The following CCDC92B variants were observed in gnomAD, a reference collection of about 807,000 sequenced individuals.
CCDC92B encodes the protein coiled-coil domain containing 92B.
Under a neutral mutation model 5.6 loss-of-function variants are expected in CCDC92B, and 2 were observed. The ratio of observed to expected loss-of-function variants is 0.36; its 90% confidence interval spans 0.15 to 1.12. The LOEUF is 1.12. Ranked by LOEUF, CCDC92B falls within the 50% of genes most tolerant of loss-of-function variation. The probability of loss-of-function intolerance (pLI) is 0.40; values close to 1 mark genes in which losing one functional copy is unlikely to be tolerated. For missense variants in CCDC92B, 271 were observed against 262.2 expected, an observed-to-expected ratio of 1.03 and a Z score of -0.23; for synonymous variants, 115 against 122.3, an observed-to-expected ratio of 0.94 and a Z score of 0.39.
intron 1 of CCDC92B, among the ~76,000 whole-genome samples, chr17:2,746,506 C>T (rs780384346): frequency 1.3e-5 from 2 of 152,090 alleles, no homozygotes; most frequent in African/African-American, 4.8e-5. Context: ...GAGTGTCAGA[C>T]TCAGGAACCT....
At chr17:2,733,743 G>GTTTTT (rs1567614345) in intron 2 of CCDC92B, among the ~76,000 whole-genome samples, 18 of 81,576 alleles carry the variant, frequency 2.2e-4, no homozygotes, top group African/African-American at 9.4e-4. Context: ...AGGACCACTG[G>GTTTTT]CTTTTTTTTT....
intron 3 of CCDC92B, among the ~76,000 whole-genome samples, chr17:2,729,962 CG>C (rs1164881386): frequency 6.6e-6 from 1 of 152,180 alleles, no homozygotes; most frequent in African/African-American, 2.4e-5. Flanking sequence ...TCTTGACACT[CG>C]GCCTGTGATC....
At position 2,724,671 on chromosome 17, in the gene CCDC92B, C is replaced by A; in HGVS notation, c.508G>T (p.Ala170Ser). The A allele has an allele frequency of 1.0e-6, 1 of 981,926 alleles. No homozygotes were observed. Among genetic ancestry groups the A allele is most frequent in the Non-Finnish European group, 1.2e-6 (1 of 828,290 alleles). 60.8% of individuals were successfully genotyped at this position (981,926 alleles called of 1,614,324 possible). A position where few individuals can be genotyped will look rare whatever the true frequency, so the allele number is the denominator to read the frequency against. The change falls in exon 4 of 4, where the codon GCA becomes TCA. Residue 170 changes from alanine to serine, a missense_variant. Coordinates refer to ENST00000614400, the MANE Select transcript of CCDC92B (RefSeq NM_001355573.2). The surrounding 1 kb of genome is among the most constrained non-coding windows in gnomAD (Gnocchi z 5.0). The stretch of plus-strand genomic sequence containing the variant: ...GCAGGCGGGCGGCGGGCTCGCAGTG[C>A]GCGGCGGCGTGGCCTGGGCTCGGCG... ...ATAEPRPRRR[A>S]LRARRPPAAH...
In CCDC92B at chr17:2,724,843, G is replaced by A. The variant is rs953509043; in HGVS notation, c.336C>T (p.Phe112=). 3.6e-5 allele frequency: 35 copies of A among 985,126 alleles called. No homozygotes were observed. The African/African-American group carries it at 5.8e-4, about 16-fold the overall frequency. 61.0% of individuals were successfully genotyped at this position (985,126 alleles called of 1,614,324 possible). A position where few individuals can be genotyped will look rare whatever the true frequency, so the allele number is the denominator to read the frequency against. ...GGCTGCGGCGGCGCAGCTCCTCCAGGAAGCGGCGCTCCTCGGTGCGCAGGC... is the reference window on the plus strand; with the variant it reads ...GGCTGCGGCGGCGCAGCTCCTCCAGAAAGCGGCGCTCCTCGGTGCGCAGGC... ...RCSLRTEERR[F]LEELRRRSHR... is the part of the protein sequence containing the mutation. The change falls in exon 4 of 4, where the codon TTC becomes TTT. Residue 112 remains phenylalanine (F), a synonymous_variant. Coordinates refer to ENST00000614400, the MANE Select transcript of CCDC92B (RefSeq NM_001355573.2). This position sits in a 1 kb window ranked among gnomAD's most constrained non-coding sequence, Gnocchi z 5.0.
At position 2,721,217 on chromosome 17, in the gene CCDC92B, A is replaced by C. The variant is rs2070651959; in HGVS notation, c.*3194T>G. 1 of 152,404 alleles carries C rather than the reference A, an allele frequency of 6.6e-6. No individual in the cohort carries two copies. The highest frequency in any genetic ancestry group is 1.5e-5 in the Non-Finnish European group (1 of 68,236). 9.4% of individuals were successfully genotyped at this position (152,404 alleles called of 1,614,324 possible). On this transcript the variant is annotated 3_prime_UTR_variant, in exon 4 of 4. Coordinates refer to ENST00000614400, the MANE Select transcript of CCDC92B (RefSeq NM_001355573.2). ...GTGGGGGCCAGGGGTACAGAGCCTC[A>C]AACCGCACTGCCCAGTGCTCCCTGG...
intron 2 of CCDC92B, among the ~76,000 whole-genome samples, chr17:2,731,335 C>T (rs2070793157): frequency 6.6e-6 from 1 of 152,100 alleles, no homozygotes; most frequent in South Asian, 2.1e-4. Context: ...TTTTCCAGCC[C>T]CACCCCCACT....
At chr17:2,745,066 CAAAAAA>C (rs60179555) in intron 1 of CCDC92B, among the ~76,000 whole-genome samples, 25 of 79,346 alleles carry the variant, frequency 3.2e-4, no homozygotes, top group Non-Finnish European at 4.4e-4. Context: ...GACCCTGTCT[CAAAAAA>C]AAAAAAAAAA....
At chr17:2,727,818 C>T (rs1235852003) in intron 3 of CCDC92B, among the ~76,000 whole-genome samples, 24 of 123,776 alleles carry the variant, frequency 1.9e-4, no homozygotes, top group Non-Finnish European at 2.9e-4. Context: ...AGTGAGACTC[C>T]GTCTCAAAAA....
rs2070894966 is a variant in CCDC92B at position 2,739,193 on chromosome 17, C to T, written c.-23-4025G>A. On this transcript the variant is annotated intron_variant, in intron 1 of 3. Coordinates refer to ENST00000614400, the MANE Select transcript of CCDC92B (RefSeq NM_001355573.2). ...CCATCCTGGCTAACATGGTAGAACC[C>T]CATCTCTACTAAAAATACAAAAAAT... 2.7e-5 allele frequency among the ~76,000 whole-genome samples: 4 copies of T among 150,274 alleles called. No homozygotes were observed. The South Asian group carries it at 6.3e-4, about 24-fold the overall frequency.
chr17:2,746,116 G>A (rs2070983251), intron 1 of CCDC92B, among the ~76,000 whole-genome samples: 1 of 151,978 alleles, frequency 6.6e-6, no homozygotes, highest in Admixed American at 6.6e-5. Context: ...CAAGTAGCTG[G>A]GATTATAGGT....
At chr17:2,732,456 C>A (rs2070804056) in intron 2 of CCDC92B, among the ~76,000 whole-genome samples, 1 of 152,188 alleles carries the variant, frequency 6.6e-6, no homozygotes, top group Non-Finnish European at 1.5e-5. Context: ...GTAGCTCATG[C>A]CTGTAAAGCC....
rs12939086 is a variant in CCDC92B at position 2,724,591 on chromosome 17, G to A, written c.588C>T (p.Arg196=). 8.1e-6 allele frequency: 8 copies of A among 981,864 alleles called. No homozygotes were observed. Among genetic ancestry groups the A allele is most frequent in the Non-Finnish European group, 9.7e-6 (8 of 828,442 alleles). 60.8% of individuals were successfully genotyped at this position (981,864 alleles called of 1,614,324 possible). A position where few individuals can be genotyped will look rare whatever the true frequency, so the allele number is the denominator to read the frequency against. ...CGGCGTCGTCGAGGGCGCCGGCCCC[G>A]CGGTCCCAGGCGGCCCAGTCCCGGC... ...GPGRDWAAWD[R]GAGALDDADP... Residue 196 remains arginine, a synonymous_variant, in exon 4 of 4, where the codon CGC becomes CGT. Transcript: ENST00000614400. This position sits in a 1 kb window ranked among gnomAD's most constrained non-coding sequence, Gnocchi z 5.0.
intron 3 of CCDC92B, among the ~76,000 whole-genome samples, chr17:2,726,034 C>T (rs1057480607): frequency 1.1e-4 from 14 of 132,896 alleles, no homozygotes; most frequent in East Asian, 6.7e-4. Flanking sequence ...CTTGCTCTGT[C>T]GCCAGGCTGG....
At position 2,724,172 on chromosome 17, in the gene CCDC92B, G is replaced by C. The variant is rs1197004936; in HGVS notation, c.*239C>G. On this transcript the variant is annotated 3_prime_UTR_variant, in exon 4 of 4. Coordinates refer to ENST00000614400, the MANE Select transcript of CCDC92B (RefSeq NM_001355573.2). The surrounding 1 kb of genome is among the most constrained non-coding windows in gnomAD (Gnocchi z 5.0). ...ACGGCGAGTCCTCTCGGTAGAGAAG[G>C]TGCCCCCGCTCGGCCCCGCGGAGGA... The C allele has an allele frequency of 2.2e-5, 22 of 985,310 alleles. No homozygotes were observed. Among genetic ancestry groups the C allele is most frequent in the Non-Finnish European group, 2.7e-5 (22 of 829,930 alleles). The allele number at this position is 985,310 out of a possible 1,614,324, so 61.0% of individuals were successfully genotyped here. A position where few individuals can be genotyped will look rare whatever the true frequency, so the allele number is the denominator to read the frequency against.
intron 1 of CCDC92B, among the ~76,000 whole-genome samples, chr17:2,744,112 G>A (rs1364168878): frequency 1.3e-5 from 2 of 152,060 alleles, no homozygotes; most frequent in Non-Finnish European, 1.5e-5. Context: ...TCCCGACCTC[G>A]TGATCCAACC....
At chr17:2,749,236 G>A (rs561226833) in intron 1 of CCDC92B, among the ~76,000 whole-genome samples, 175 bp downstream of exon 1, 15 of 152,224 alleles carry the variant, frequency 9.9e-5, no homozygotes, top group South Asian at 2.1e-4. Flanking sequence ...CCGGGTCTGG[G>A]CGGTGGAGGA....
intron 1 of CCDC92B, among the ~76,000 whole-genome samples, chr17:2,740,007 A>G (rs1160161956): frequency 1.3e-5 from 2 of 152,100 alleles, no homozygotes; most frequent in Non-Finnish European, 2.9e-5. Context: ...ACAAATAAGG[A>G]TAGAATTACA....
chr17:2,741,262 G>A (rs1468780686), intron 1 of CCDC92B, among the ~76,000 whole-genome samples: 1 of 152,030 alleles, frequency 6.6e-6, no homozygotes, highest in Non-Finnish European at 1.5e-5. Context: ...TGCTTCACGT[G>A]GTCTGTCTGA....
At chr17:2,727,881 A>G (rs1033324929) in intron 3 of CCDC92B, among the ~76,000 whole-genome samples, 1 of 151,546 alleles carries the variant, frequency 6.6e-6, no homozygotes, top group Non-Finnish European at 1.5e-5. Context: ...GGGTTGACAC[A>G]CTCATCCCAG....
Sources: gnomAD v4.1 joint callset for allele counts (sites outside exome capture counted in the v4.1 genomes callset) on GRCh38, gnomAD v4.1.1 for gene constraint, Gnocchi (gnomAD v3.1) non-coding constraint, MANE v1.5 for transcripts, NCBI Gene and HGNC (gene_info 2026-07-23, HGNC 2026-07-21) for gene names.